Variants in MTMR8 observed in about 807,000 individuals in gnomAD.
The protein encoded by MTMR8 is myotubularin related protein 8, also known as phosphatidylinositol-3,5-bisphosphate 3-phosphatase MTMR8.
In MTMR8, 65 loss-of-function variants were observed where a neutral mutation model predicts 39.3. That is an observed-to-expected ratio of 1.65 (90% confidence interval 1.35 to 2.03). The LOEUF (loss-of-function observed/expected upper bound fraction) is 2.03, where lower values mean the gene tolerates loss of function less well. Ranked by LOEUF, MTMR8 falls within the 30% of genes most tolerant of loss-of-function variation. The pLI, the probability that MTMR8 is intolerant of heterozygous loss-of-function variation, is 0.00. For missense variants in MTMR8, 777 were observed against 538.9 expected (o/e 1.44, Z -4.37); for synonymous variants, 245 against 185.2 (o/e 1.32, Z -2.62).
chrX:64,315,302 G>T (rs769157566), intron 12 of MTMR8, among the ~76,000 whole-genome samples: 60 of 111,838 alleles, frequency 5.4e-4, no homozygotes, highest in African/African-American at 1.8e-3. Flanking sequence ...CCAGTAACAA[G>T]TCCCAGGCAT....
chrX:64,303,075 G>A (rs763065788), intron 12 of MTMR8, among the ~76,000 whole-genome samples: 1 of 112,420 alleles, frequency 8.9e-6, no homozygotes, highest in Non-Finnish European at 1.9e-5. Context: ...CTTATCAGAT[G>A]TAAAATCCTT....
chrX:64,274,689 G>A (rs1158867082), intron 12 of MTMR8, among the ~76,000 whole-genome samples: 1 of 112,052 alleles, frequency 8.9e-6, no homozygotes, highest in Non-Finnish European at 1.9e-5. Context: ...TAAAGAAAAT[G>A]TGATATATAC....
rs1183940085 is a variant in MTMR8, at chrX:64,328,813, C to A, written c.1440G>T (p.Met480Ile). ...FRNPLYKGFT[M>I]YGVLNPSTVP... Reference sequence around the variant, plus strand: ...CAGTACTAGGATTGAGTACCCCATACATAGTGAAGCCTTTATAGAGAGGGT... The same window carrying A: ...CAGTACTAGGATTGAGTACCCCATAAATAGTGAAGCCTTTATAGAGAGGGT... Residue 480 changes from methionine to isoleucine, a missense_variant, in exon 12 of 14, where the codon ATG becomes ATT. Physicochemically the swap from Met to Ile is conservative, Grantham distance 10 (BLOSUM62 1). Transcript: ENST00000374852. 8.3e-6 allele frequency: 10 copies of A among 1,199,026 alleles called. No individual in the cohort carries two copies. The highest frequency in any genetic ancestry group is 1.0e-5 in the Non-Finnish European group (9 of 890,670).
chrX:64,378,046 T>C (rs976576260), intron 1 of MTMR8, among the ~76,000 whole-genome samples: 1 of 112,036 alleles, frequency 8.9e-6, no homozygotes, highest in Non-Finnish European at 1.9e-5. Flanking sequence ...CTGCCATGAC[T>C]GTAAATTTCC....
At chrX:64,359,995 G>T (rs998664427) in intron 1 of MTMR8, among the ~76,000 whole-genome samples, 2 of 101,272 alleles carry the variant, frequency 2.0e-5, no homozygotes, top group Non-Finnish European at 4.1e-5. Flanking sequence ...CACATAAAAA[G>T]AAATGCCAGA....
chrX:64,326,819 A>G (rs2147219172), intron 12 of MTMR8, among the ~76,000 whole-genome samples: 1 of 111,410 alleles, frequency 9.0e-6, no homozygotes, highest in Non-Finnish European at 1.9e-5. Context: ...ACAAAGCTAT[A>G]GCAACCAAAA....
intron 12 of MTMR8, among the ~76,000 whole-genome samples, chrX:64,279,753 T>C (rs964005567): frequency 8.9e-6 from 1 of 111,761 alleles, no homozygotes; most frequent in Non-Finnish European, 1.9e-5. Context: ...GCTACAGTAA[T>C]CAGTACAATA....
Position 64,269,030 on chromosome X carries a change from C to A in MTMR8, c.1622G>T (p.Arg541Leu). The change falls in exon 14 of 14, where the codon CGT (arginine) becomes CTT (leucine). Residue 541 changes from arginine to leucine, a missense_variant. Transcript: ENST00000374852. Reference protein sequence around the residue: ...VHELEKKLKVRDEPPEEICTC... With the variant: ...VHELEKKLKVLDEPPEEICTC... ...ACAGATCTCTTCTGGTGGCTCATCACGGACTTTTAGTTTCTGCCTCAGGAG... is the reference window on the plus strand; with the variant it reads ...ACAGATCTCTTCTGGTGGCTCATCAAGGACTTTTAGTTTCTGCCTCAGGAG... 1 of 1,208,264 alleles carries A rather than the reference C, an allele frequency of 8.3e-7. No individual in the cohort carries two copies. Among genetic ancestry groups the A allele is most frequent in the Non-Finnish European group, 1.1e-6 (1 of 893,791 alleles).
intron 12 of MTMR8, among the ~76,000 whole-genome samples, chrX:64,296,397 T>TA (rs1169962530): frequency 4.5e-5 from 5 of 110,575 alleles, no homozygotes; most frequent in Non-Finnish European, 9.5e-5. Context: ...ATAATGATGG[T>TA]AGATGCACAA....
chrX:64,347,228 G>A lies in MTMR8; in HGVS notation c.732+1432C>T, dbSNP rs760555450. On this transcript the variant is annotated intron_variant, in intron 6 of 13. Coordinates refer to ENST00000374852, the MANE Select transcript of MTMR8 (RefSeq NM_017677.4). ...CTTAATTTGCTCAAATTGGAGAGAG[G>A]AAAATGGAACCTGTTAAAAAAAAGG... Among the ~76,000 whole-genome samples the A allele has an allele frequency of 4.1e-3, 455 of 110,696 alleles. 2 individuals carry two copies. Among genetic ancestry groups the A allele is most frequent in the Non-Finnish European group, 6.1e-3 (320 of 52,839 alleles).
chrX:64,382,902 C>G (rs926131712), intron 1 of MTMR8, among the ~76,000 whole-genome samples: 2 of 111,347 alleles, frequency 1.8e-5, no homozygotes, highest in African/African-American at 6.5e-5. Context: ...CATAAATGAT[C>G]TCAAGAGTGA....
intron 1 of MTMR8, among the ~76,000 whole-genome samples, chrX:64,394,334 G>A (rs1184637297): frequency 8.9e-6 from 1 of 111,881 alleles, no homozygotes; most frequent in Admixed American, 9.5e-5. Flanking sequence ...GGTGAGGAAA[G>A]CTAAGGCTCA....
chrX:64,368,335 G>A (rs1410322931), intron 1 of MTMR8, among the ~76,000 whole-genome samples: 3 of 111,215 alleles, frequency 2.7e-5, no homozygotes, highest in Non-Finnish European at 3.8e-5. Flanking sequence ...AGCTGGAGGG[G>A]TCACACTACC....
chrX:64,302,253 G>A (rs1202560668), intron 12 of MTMR8, among the ~76,000 whole-genome samples: 1 of 112,578 alleles, frequency 8.9e-6, no homozygotes, highest in African/African-American at 3.2e-5. Flanking sequence ...GCCAGGTGTG[G>A]GATATAGTCT....
At chrX:64,332,843 C>T (rs1569222472) in intron 10 of MTMR8, among the ~76,000 whole-genome samples, 2 of 111,745 alleles carry the variant, frequency 1.8e-5, no homozygotes, top group Non-Finnish European at 3.8e-5. Flanking sequence ...CTTACTCCAT[C>T]TTTGAAATCT....
At chrX:64,317,417 T>C (rs1450708855) in intron 12 of MTMR8, among the ~76,000 whole-genome samples, 1 of 111,614 alleles carries the variant, frequency 9.0e-6, no homozygotes, top group Non-Finnish European at 1.9e-5. Context: ...CCAGACTGGG[T>C]ACTTTCTATT....
intron 12 of MTMR8, among the ~76,000 whole-genome samples, chrX:64,289,906 A>G (rs1160750644): frequency 5.4e-5 from 6 of 111,048 alleles, no homozygotes; most frequent in Non-Finnish European, 5.7e-5. Flanking sequence ...AAAAGGAAAA[A>G]CATTGTATGA....
intron 12 of MTMR8, among the ~76,000 whole-genome samples, chrX:64,315,269 C>A (rs1188336839): frequency 8.9e-6 from 1 of 111,970 alleles, no homozygotes; most frequent in Non-Finnish European, 1.9e-5. Context: ...TCAACTCACC[C>A]ATTCCCCCAT....
chrX:64,318,712 T>G (rs533304107), intron 12 of MTMR8, among the ~76,000 whole-genome samples: 1 of 104,459 alleles, frequency 9.6e-6, no homozygotes, highest in Admixed American at 1.0e-4. Context: ...TTTTTTGTTT[T>G]TTTTTTTTTT....
Sources: allele counts gnomAD v4.1 joint callset (sites outside exome capture counted in the v4.1 genomes callset), GRCh38; gene constraint gnomAD v4.1.1; transcripts MANE v1.5; gene names NCBI Gene and HGNC (gene_info 2026-07-23, HGNC 2026-07-21).